The following HMGN5 variants were observed in gnomAD, a reference collection of about 807,000 sequenced individuals.
HMGN5 encodes the protein high mobility group nucleosome-binding domain-containing protein 5.
HMGN5 carries 4 observed loss-of-function variants against 9.5 expected under a neutral mutation model. The ratio of observed to expected loss-of-function variants is 0.42; its 90% CI spans 0.21 to 0.96. HMGN5 has a LOEUF of 0.96. Ranked by LOEUF, HMGN5 falls within the 40% of genes least tolerant of loss-of-function variation. The pLI is 0.30. For missense variants in HMGN5, 192 were observed against 187.5 expected (o/e 1.02, Z -0.14); for synonymous variants, 55 against 57.1 (o/e 0.96, Z 0.16).
At chrX:81,121,478 A>C in intron 2 of HMGN5, 57 bp downstream of exon 2, 1 of 1,114,052 alleles carries the variant, frequency 9.0e-7, no homozygotes, top group East Asian at 3.0e-5. Context: ...AATTCTTCCT[A>C]TTAGGAAATA....
intron 5 of HMGN5, 119 bp downstream of exon 5, chrX:81,118,313 A>C: frequency 2.4e-6 from 1 of 419,963 alleles, no homozygotes; most frequent in Non-Finnish European, 4.1e-6. Flanking sequence ...GATAGAATAT[A>C]ATATATTACT....
intron 1 of HMGN5, among the ~76,000 whole-genome samples, chrX:81,153,461 C>T (rs2075371112): frequency 1.0e-5 from 1 of 98,422 alleles, no homozygotes; most frequent in South Asian, 5.3e-4. Context: ...GGCTGAGGCA[C>T]AAGAATTGCT....
At chrX:81,194,526 T>C (rs2075502448) in intron 1 of HMGN5, among the ~76,000 whole-genome samples, 1 of 111,721 alleles carries the variant, frequency 9.0e-6, no homozygotes. Context: ...ATCAGTGAAA[T>C]GTAAATTAAA....
chrX:81,126,147 C>CAAAAAAAAAAAAAAAAAAAAAAAA, intron 1 of HMGN5, among the ~76,000 whole-genome samples: 1 of 47,759 alleles, frequency 2.1e-5, no homozygotes, highest in Non-Finnish European at 3.8e-5. Flanking sequence ...GACGCAGTCT[C>CAAAAAAAAAAAAAAAAAAAAAAAA]AAAAAAAAAA....
chrX:81,144,477 C>T (rs1308257520), intron 1 of HMGN5, among the ~76,000 whole-genome samples: 1 of 111,913 alleles, frequency 8.9e-6, no homozygotes, highest in Admixed American at 9.5e-5. Context: ...GATCTACACA[C>T]AGAAACCCCA....
intron 1 of HMGN5, among the ~76,000 whole-genome samples, chrX:81,133,084 C>T (rs2075302156): frequency 9.1e-6 from 1 of 110,332 alleles, no homozygotes; most frequent in African/African-American, 3.3e-5. Flanking sequence ...ATATAGTGGC[C>T]AACAATCACA....
chrX:81,130,050 G>T (rs978370563), intron 1 of HMGN5, among the ~76,000 whole-genome samples: 1 of 111,618 alleles, frequency 9.0e-6, no homozygotes, highest in Admixed American at 9.6e-5. Flanking sequence ...CACCAGGAAA[G>T]TATGAATTAG....
chrX:81,157,070 A>C (rs1204907798), intron 1 of HMGN5, among the ~76,000 whole-genome samples: 2 of 111,953 alleles, frequency 1.8e-5, no homozygotes, highest in Non-Finnish European at 3.8e-5. Context: ...CTTTACATGT[A>C]TGCAAAGCCT....
intron 1 of HMGN5, among the ~76,000 whole-genome samples, chrX:81,134,540 C>T (rs2075306463): frequency 9.0e-6 from 1 of 111,184 alleles, no homozygotes; most frequent in Non-Finnish European, 1.9e-5. Flanking sequence ...TTAAACCACC[C>T]ACTAAAGAAA....
At chrX:81,170,329 ACTAC>A (rs1197513870) in intron 1 of HMGN5, among the ~76,000 whole-genome samples, 1 of 111,738 alleles carries the variant, frequency 8.9e-6, no homozygotes, top group Admixed American at 9.6e-5. Flanking sequence ...TAGAGCAAGC[ACTAC>A]CTATTTTTAA....
At chrX:81,115,594 A>G (rs1183050573) in intron 6 of HMGN5, among the ~76,000 whole-genome samples, 1 of 112,186 alleles carries the variant, frequency 8.9e-6, no homozygotes, top group Non-Finnish European at 1.9e-5. Flanking sequence ...TAAACAAAAT[A>G]TAGTCCTTGG....
intron 1 of HMGN5, 65 bp from the exon 2 acceptor site, chrX:81,121,737 G>C: frequency 2.8e-6 from 1 of 357,715 alleles, no homozygotes; most frequent in Non-Finnish European, 4.9e-6. Flanking sequence ...ACCAAACTAC[G>C]TGAATGGTTA....
chrX:81,128,438 T>A (rs2075290443), intron 1 of HMGN5, among the ~76,000 whole-genome samples: 1 of 111,607 alleles, frequency 9.0e-6, no homozygotes, highest in African/African-American at 3.2e-5. Flanking sequence ...ATAATATTTT[T>A]AAAAATATGC....
At chrX:81,173,104 T>A (rs986257002) in intron 1 of HMGN5, among the ~76,000 whole-genome samples, 14 of 111,151 alleles carry the variant, frequency 1.3e-4, no homozygotes, top group African/African-American at 4.6e-4. Context: ...TAATAAAATA[T>A]TAGAAATAAC....
intron 1 of HMGN5, among the ~76,000 whole-genome samples, chrX:81,183,971 A>G (rs1271257108): frequency 8.9e-6 from 1 of 111,849 alleles, no homozygotes; most frequent in Non-Finnish European, 1.9e-5. Context: ...AGACTTTGAA[A>G]TTTGGACTTT....
At chrX:81,179,137 G>A (rs768574881) in intron 1 of HMGN5, among the ~76,000 whole-genome samples, 2 of 111,305 alleles carry the variant, frequency 1.8e-5, no homozygotes, top group Admixed American at 9.5e-5. Flanking sequence ...TTTGAAAACC[G>A]GCACAAGACA....
intron 1 of HMGN5, among the ~76,000 whole-genome samples, chrX:81,132,749 A>G (rs2075301079): frequency 8.9e-6 from 1 of 111,842 alleles, no homozygotes; most frequent in Non-Finnish European, 1.9e-5. Context: ...ACCCTAAAAG[A>G]CAACATAGGC....
chrX:81,146,876 G>A (rs1031365117), intron 1 of HMGN5, among the ~76,000 whole-genome samples: 3 of 111,748 alleles, frequency 2.7e-5, no homozygotes, highest in Non-Finnish European at 5.6e-5. Context: ...ACACCTCTAC[G>A]CCAATAAGCT....
At chrX:81,119,413 T>C (rs939759565) in intron 3 of HMGN5, among the ~76,000 whole-genome samples, 1 of 111,790 alleles carries the variant, frequency 8.9e-6, no homozygotes, top group African/African-American at 3.2e-5. Context: ...GTTTCACATA[T>C]GTGAACAGTC....
Sources: gnomAD v4.1 joint callset for allele counts (sites outside exome capture counted in the v4.1 genomes callset) on GRCh38, gnomAD v4.1.1 for gene constraint, MANE v1.5 for transcripts, NCBI Gene and HGNC (gene_info 2026-07-23, HGNC 2026-07-21) for gene names.